The following AHNAK variants were observed in gnomAD, a reference collection of about 807,000 sequenced individuals.
AHNAK encodes the protein AHNAK nucleoprotein.
Under a neutral mutation model 37.8 loss-of-function variants are expected in AHNAK, and 23 were observed. The observed-to-expected ratio is 0.61, with a 90% confidence interval of 0.44 to 0.86. The LOEUF (loss-of-function observed/expected upper bound fraction) is 0.86. Among genes scored for constraint, AHNAK ranks in the 40% least tolerant of loss-of-function variants. The probability of loss-of-function intolerance (pLI) is 0.00; values close to 1 mark genes in which losing one functional copy is unlikely to be tolerated. For missense variants in AHNAK, 7,411 were observed against 7,319.4 expected (o/e 1.01, Z -0.46); for synonymous variants, 2,481 against 2,636.3 (o/e 0.94, Z 1.80).
At position 62,527,264 on chromosome 11, in the gene AHNAK, T is replaced by G. The variant is rs764896042; in HGVS notation, c.7153A>C (p.Lys2385Gln). The change falls in exon 5 of 5, where the codon AAA (lysine) becomes CAA (glutamine). Residue 2385 changes from lysine to glutamine, a missense_variant. Transcript: ENST00000378024. ...AGATCGAGGTCTGGCATAGAGATTTTGGGAGCTTTAAAGTGCATATCTGGC... is the reference window on the plus strand; with the variant it reads ...AGATCGAGGTCTGGCATAGAGATTTGGGGAGCTTTAAAGTGCATATCTGGC... Reference protein sequence around the residue: ...KMPDMHFKAPKISMPDLDLHL... With the variant: ...KMPDMHFKAPQISMPDLDLHL... 8.9e-6 allele frequency: 12 copies of G among 1,343,416 alleles called. No homozygotes were observed. In the South Asian group the frequency reaches 2.5e-4, roughly 28 times the overall value. 83.2% of individuals were successfully genotyped at this position (1,343,416 alleles called of 1,614,324 possible). A position where few individuals can be genotyped will look rare whatever the true frequency, so the allele number is the denominator to read the frequency against.
Position 62,448,568 on chromosome 11 carries a change from C to T in AHNAK, c.443-14677G>A, listed in dbSNP as rs1192658825. The stretch of plus-strand genomic sequence containing the variant: ...ACACTCAAGTTTTCTAGTTTGAAGG[C>T]AGGCGGGCTGATACTATTTGTTGAG... On this transcript the variant is annotated intron_variant, in intron 5 of 5. Transcript: ENST00000257247. 2.6e-5 allele frequency among the ~76,000 whole-genome samples: 4 copies of T among 152,032 alleles called. No homozygotes were observed. The East Asian group carries it at 5.8e-4, about 22-fold the overall frequency.
chr11:62,468,456 G>A (rs1350401968), intron 5 of AHNAK, among the ~76,000 whole-genome samples: 4 of 152,118 alleles, frequency 2.6e-5, no homozygotes, highest in Admixed American at 2.6e-4. Flanking sequence ...GGGCATGTGT[G>A]TACAGGTTGC....
rs1940598916 is a variant in AHNAK, at chr11:62,528,567, A to G, written c.5850T>C (p.Asp1950=). Residue 1950 remains aspartate (D), a synonymous_variant, in exon 5 of 5, where the codon GAT becomes GAC. Transcript: ENST00000378024. Reference sequence around the variant, plus strand: ...CCACACCCACACTGGGACCTGTTAAATCTCCCTCCAATTTTGGCACCGACA... The same window carrying G: ...CCACACCCACACTGGGACCTGTTAAGTCTCCCTCCAATTTTGGCACCGACA... ...VDVSVPKLEG[D]LTGPSVGVEV... is the part of the protein sequence containing the mutation. The G allele has an allele frequency of 6.3e-7, 1 of 1,580,766 alleles. No homozygotes were observed.
chr11:62,487,712 C>T (rs779714980), intron 5 of AHNAK, among the ~76,000 whole-genome samples: 1 of 152,190 alleles, frequency 6.6e-6, no homozygotes, highest in East Asian at 1.9e-4. Flanking sequence ...CACTTATTTA[C>T]CAAAATGACC....
At position 62,526,115 on chromosome 11, in the gene AHNAK, T is replaced by C; in HGVS notation, c.8302A>G (p.Lys2768Glu). The C allele has an allele frequency of 1.9e-6, 3 of 1,613,560 alleles. No homozygotes were observed. In the Middle Eastern group the frequency reaches 5.0e-4, roughly 266 times the overall value. ...ATGCTGATCTTGGGCATTTTTATCT[T>C]GGGCATCTTTAGGTGCCAGTCTGGG... ...HGPDWHLKMP[K>E]IKMPKISMPG... The change falls in exon 5 of 5, where the codon AAG (lysine) becomes GAG (glutamate). Residue 2768 changes from lysine to glutamate, a missense_variant. Coordinates refer to ENST00000378024, the MANE Select transcript of AHNAK (RefSeq NM_001620.3).
Position 62,524,269 on chromosome 11 carries a change from G to A in AHNAK, c.10148C>T (p.Pro3383Leu), listed in dbSNP as rs1468154776. The change falls in exon 5 of 5, where the codon CCA becomes CTA. Residue 3383 changes from proline to leucine, a missense_variant. Pro to Leu is a moderately conservative substitution (Grantham distance 98). Transcript: ENST00000378024. Reference protein sequence around the residue: ...GKKPDIDITGPKVDINAPDVE... With the variant: ...GKKPDIDITGLKVDINAPDVE... ...ATCAGGAGCATTAATATCAACTTTT[G>A]GACCTGTTATGTCAATATCTGGCTT... The A allele has an allele frequency of 6.2e-7, 1 of 1,613,554 alleles. No homozygotes were observed. Among genetic ancestry groups the A allele is most frequent in the Non-Finnish European group, 8.5e-7 (1 of 1,179,928 alleles).
rs759592044 is a variant in AHNAK at position 62,523,521 on chromosome 11, G to A, written c.10896C>T (p.Asp3632=). 2 of 1,614,034 alleles carry A rather than the reference G, an allele frequency of 1.2e-6. No homozygotes were observed. The highest frequency in any genetic ancestry group is 1.1e-5 in the South Asian group (1 of 91,066). The change falls in exon 5 of 5, where the codon GAC becomes GAT. Residue 3632 remains aspartate, a synonymous_variant. Transcript: ENST00000378024. ...VDVTLPKADI[D]ISGPNVDVDV... The stretch of plus-strand genomic sequence containing the variant: ...CAACGTCTACATTGGGACCAGAAAT[G>A]TCAATGTCAGCTTTAGGGAGGGTAA...
At position 62,531,786 on chromosome 11, in the gene AHNAK, C is replaced by T. The variant is rs753898638; in HGVS notation, c.2631G>A (p.Met877Ile). 9.3e-6 allele frequency: 15 copies of T among 1,613,578 alleles called. No individual in the cohort carries two copies. Among genetic ancestry groups the T allele is most frequent in the Non-Finnish European group, 1.2e-5 (14 of 1,179,946 alleles). Residue 877 changes from methionine to isoleucine, a missense_variant, in exon 5 of 5, where the codon ATG (methionine) becomes ATA (isoleucine). Transcript: ENST00000378024. ...EVQGPDWHLK[M>I]PKMKMPKFSM... Reference sequence around the variant, plus strand: ...TGAACTTGGGCATTTTCATCTTGGGCATCTTCAGGTGCCAGTCTGGGCCTT... The same window carrying T: ...TGAACTTGGGCATTTTCATCTTGGGTATCTTCAGGTGCCAGTCTGGGCCTT...
At position 62,518,977 on chromosome 11, in the gene AHNAK, T is replaced by C; in HGVS notation, c.15440A>G (p.Asp5147Gly). The change falls in exon 5 of 5, where the codon GAT (aspartate) becomes GGT (glycine). Residue 5147 changes from aspartate (D) to glycine (G), a missense_variant. Physicochemically the swap from Asp to Gly is moderately conservative, Grantham distance 94. Transcript: ENST00000378024. Reference sequence around the variant, plus strand: ...TATTTTTGGCACTGAGATGTCCACATCTGGCATCTTGACCTTGGGAGCCTT... The same window carrying C: ...TATTTTTGGCACTGAGATGTCCACACCTGGCATCTTGACCTTGGGAGCCTT... ...KAKAPKVKMP[D>G]VDISVPKIEG... is the part of the protein sequence containing the mutation. 2 of 1,614,186 alleles carry C rather than the reference T, an allele frequency of 1.2e-6. No individual in the cohort carries two copies. Among genetic ancestry groups the C allele is most frequent in the Non-Finnish European group, 1.7e-6 (2 of 1,180,018 alleles).
At chr11:62,485,988 T>C (rs1590622522) in intron 5 of AHNAK, among the ~76,000 whole-genome samples, 1 of 133,990 alleles carries the variant, frequency 7.5e-6, no homozygotes, top group Non-Finnish European at 1.5e-5. Context: ...ACCACTGCAC[T>C]CCAGCCTGGG....
chr11:62,501,180 G>A (rs1939705098), intron 4 of AHNAK, among the ~76,000 whole-genome samples: 1 of 151,946 alleles, frequency 6.6e-6, no homozygotes, highest in South Asian at 2.1e-4. Flanking sequence ...CCAGCCTGGG[G>A]GTCAGAGTGA....
intron 4 of AHNAK, among the ~76,000 whole-genome samples, chr11:62,501,945 C>T (rs541997910): frequency 2.0e-5 from 3 of 152,202 alleles, no homozygotes; most frequent in Admixed American, 2.0e-4. Flanking sequence ...GGAAGGAGAA[C>T]AAAAGAATAA....
At position 62,528,371 on chromosome 11, in the gene AHNAK, C is replaced by A; in HGVS notation, c.6046G>T (p.Gly2016Cys). Residue 2016 changes from glycine (G) to cysteine (C), a missense_variant, in exon 5 of 5, where the codon GGT (glycine) becomes TGT (cysteine). Transcript: ENST00000378024. ...TCAACATCTGGCACTTTCATTTCACCTTCTACCTTGGGCACAGACACATCC... is the reference window on the plus strand; with the variant it reads ...TCAACATCTGGCACTTTCATTTCACATTCTACCTTGGGCACAGACACATCC... ...DMDVSVPKVEGEMKVPDVDIK... is the reference protein window; with the variant it reads ...DMDVSVPKVECEMKVPDVDIK... The A allele has an allele frequency of 6.2e-7, 1 of 1,613,720 alleles. No homozygotes were observed. The highest frequency in any genetic ancestry group is 2.2e-5 in the East Asian group (1 of 44,836).
At position 62,480,079 on chromosome 11, in the gene AHNAK, AC is replaced by A. The variant is rs1939234810; in HGVS notation, c.442+11652del. On this transcript the variant is annotated intron_variant, in intron 5 of 5. Transcript: ENST00000257247. Reference sequence around the variant, plus strand: ...TAGCAGGCAGAGCTTGGGAAGCCTCACCCGGACCCTGCCACCTGCCAGGAAG... The same window carrying A: ...TAGCAGGCAGAGCTTGGGAAGCCTCACCGGACCCTGCCACCTGCCAGGAAG... Among the ~76,000 whole-genome samples, 4 of 152,022 alleles carry A rather than the reference AC, an allele frequency of 2.6e-5. No homozygotes were observed. The East Asian group carries it at 7.8e-4, about 30-fold the overall frequency.
chr11:62,496,869 AAGGG>A (rs1330907244), intron 4 of AHNAK, among the ~76,000 whole-genome samples: 9 of 144,604 alleles, frequency 6.2e-5, no homozygotes, highest in African/African-American at 2.2e-4. Context: ...AGGAAGGAAG[AAGGG>A]AGGGAGGGAA....
chr11:62,527,225 G>A lies in AHNAK; in HGVS notation c.7192C>T (p.Pro2398Ser), dbSNP rs768928779. The A allele has an allele frequency of 1.8e-5, 29 of 1,613,018 alleles. No individual in the cohort carries two copies. The highest frequency in any genetic ancestry group is 2.5e-5 in the Non-Finnish European group (29 of 1,179,648). ...ACATCCACCTCTCCTTTTGCCTTGG[G>A]GCTCTTCAAGTGTAGATCGAGGTCT... ...MPDLDLHLKSPKAKGEVDVDV... is the reference protein window; with the variant it reads ...MPDLDLHLKSSKAKGEVDVDV... Residue 2398 changes from proline (P) to serine (S), a missense_variant, in exon 5 of 5, where the codon CCC becomes TCC. Physicochemically the swap from Pro to Ser is moderately conservative, Grantham distance 74 (BLOSUM62 -1). Coordinates refer to ENST00000378024, the MANE Select transcript of AHNAK (RefSeq NM_001620.3).
At chr11:62,466,149 G>A (rs893836177) in intron 5 of AHNAK, among the ~76,000 whole-genome samples, 9 of 152,002 alleles carry the variant, frequency 5.9e-5, no homozygotes, top group Non-Finnish European at 8.8e-5. Context: ...GCGAAATCCC[G>A]TCTCTACTAA....
rs541392306 is a variant in AHNAK, at chr11:62,518,222, C to T, written c.16195G>A (p.Gly5399Ser). The T allele has an allele frequency of 1.6e-5, 26 of 1,614,174 alleles. No homozygotes were observed. In the African/African-American group the frequency reaches 3.1e-4, roughly 19 times the overall value. The change falls in exon 5 of 5, where the codon GGC (glycine) becomes AGC (serine). Residue 5399 changes from glycine (G) to serine (S), a missense_variant. Gly to Ser is a moderately conservative substitution (Grantham distance 56, BLOSUM62 0). Transcript: ENST00000378024. ...APDLSLEASE[G>S]SIKLPKMKLP... ...TTCATTTTGGGAAGTTTAATGCTGC[C>T]TTCGGATGCCTCCAAGCTTAGATCA...
At position 62,527,326 on chromosome 11, in the gene AHNAK, C is replaced by T. The variant is rs1028473623; in HGVS notation, c.7091G>A (p.Gly2364Asp). The T allele has an allele frequency of 3.1e-6, 5 of 1,613,596 alleles. No homozygotes were observed. In the African/African-American group the frequency reaches 4.0e-5, roughly 13 times the overall value. The change falls in exon 5 of 5, where the codon GGC (glycine) becomes GAC (aspartate). Residue 2364 changes from glycine (G) to aspartate (D), a missense_variant. By Grantham distance (94) the Gly-to-Asp change is moderately conservative. Coordinates refer to ENST00000378024, the MANE Select transcript of AHNAK (RefSeq NM_001620.3). ...DADMPEVAVEGPNGKWKTPKF... is the reference protein window; with the variant it reads ...DADMPEVAVEDPNGKWKTPKF... ...AGGAGTTTTCCACTTGCCATTTGGG[C>T]CTTCCACAGCTACTTCTGGCATGTC...
Sources: gnomAD v4.1 joint callset for allele counts (sites outside exome capture counted in the v4.1 genomes callset) on GRCh38, gnomAD v4.1.1 for gene constraint, MANE v1.5 for transcripts, NCBI Gene and HGNC (gene_info 2026-07-23, HGNC 2026-07-21) for gene names.